Variants in MBD5 observed in about 807,000 individuals in gnomAD.
MBD5 encodes the protein methyl-CpG-binding domain protein 5.
In MBD5, 13 loss-of-function variants were observed where a neutral mutation model predicts 117.3. The ratio of observed to expected loss-of-function variants is 0.11; its 90% CI spans 0.07 to 0.18. The LOEUF (loss-of-function observed/expected upper bound fraction) is 0.18, where lower values mean the gene tolerates loss of function less well. Ranked by LOEUF, MBD5 falls within the 10% of genes least tolerant of loss-of-function variation. The probability of loss-of-function intolerance (pLI) is 1.00; values close to 1 mark genes in which losing one functional copy is unlikely to be tolerated. For missense variants in MBD5, 1,879 were observed against 2,093.8 expected (o/e 0.90, Z 2.00); for synonymous variants, 727 against 766.4 (o/e 0.95, Z 0.85).
intron 4 of MBD5, among the ~76,000 whole-genome samples, chr2:148,388,080 C>T (rs774040851): frequency 7.5e-4 from 114 of 152,176 alleles, no homozygotes; most frequent in Middle Eastern, 3.4e-3. Flanking sequence ...TGTTGTAAAG[C>T]TGTAAGATTT....
At chr2:148,375,241 C>G (rs1338183730) in intron 4 of MBD5, among the ~76,000 whole-genome samples, 3 of 152,162 alleles carry the variant, frequency 2.0e-5, no homozygotes, top group African/African-American at 7.2e-5. Flanking sequence ...CACTTTTCTA[C>G]CAGTCAGTAT....
intron 3 of MBD5, among the ~76,000 whole-genome samples, chr2:148,333,414 A>G (rs922651006): frequency 1.3e-5 from 2 of 152,194 alleles, no homozygotes; most frequent in Non-Finnish European, 2.9e-5. Flanking sequence ...ATCTTCTTCC[A>G]CTTTCCTACC....
At chr2:148,442,476 C>T (rs904146912) in intron 4 of MBD5, among the ~76,000 whole-genome samples, 1 of 150,024 alleles carries the variant, frequency 6.7e-6, no homozygotes, top group Non-Finnish European at 1.5e-5. Flanking sequence ...AGGAGACAGA[C>T]AATAATAAGA....
rs1308659843 is a variant in MBD5, at chr2:148,305,074, A to AAT, written c.-679-37139_-679-37138insTA. On this transcript the variant is annotated intron_variant, in intron 3 of 13. Transcript: ENST00000642680. ...AGCGAGACTCCGTCTCAAAAAAAAA[A>AAT]AAATAAAATAAAATAAAAGGCAGGC... Among the ~76,000 whole-genome samples, 106 of 152,040 alleles carry AAT rather than the reference A, an allele frequency of 7.0e-4. 1 individual carries two copies. The highest frequency in any genetic ancestry group is 2.4e-3 in the African/African-American group (98 of 41,424).
At chr2:148,247,781 G>A (rs1247867214) in intron 3 of MBD5, among the ~76,000 whole-genome samples, 1 of 151,672 alleles carries the variant, frequency 6.6e-6, no homozygotes, top group East Asian at 1.9e-4. Context: ...AAACCAGAAA[G>A]AAAAAGGATT....
chr2:148,509,198 G>C (rs1467404921), intron 12 of MBD5, among the ~76,000 whole-genome samples: 1 of 152,066 alleles, frequency 6.6e-6, no homozygotes, highest in Non-Finnish European at 1.5e-5. Context: ...AATCACCTTA[G>C]CACTTGGAAA....
At position 148,021,311 on chromosome 2, in the gene MBD5, T is replaced by TTTC. The variant is rs542373546; in HGVS notation, c.-1288_-1286dup. On this transcript the variant is annotated 5_prime_UTR_variant, in exon 1 of 14. Coordinates refer to ENST00000642680, the MANE Select transcript of MBD5 (RefSeq NM_001378120.1). ...ATTGAGCCTGAGAGAGGAGAAGGAG[T>TTTC]TTCTTCTTCTTCGAAAACCCCCATC... 1 of 359,986 alleles carries TTTC rather than the reference T, an allele frequency of 2.8e-6. No homozygotes were observed. The highest frequency in any genetic ancestry group is 5.5e-6 in the Non-Finnish European group (1 of 182,042). 22.3% of individuals were successfully genotyped at this position (359,986 alleles called of 1,614,324 possible). A position where few individuals can be genotyped will look rare whatever the true frequency, so the allele number is the denominator to read the frequency against.
chr2:148,158,183 G>T (rs541881650), intron 1 of MBD5, among the ~76,000 whole-genome samples: 4 of 152,206 alleles, frequency 2.6e-5, no homozygotes, highest in East Asian at 3.9e-4. Context: ...TCCATCATAT[G>T]CTAGAATACT....
At position 148,513,102 on chromosome 2, in the gene MBD5, T is replaced by C; in HGVS notation, c.*161T>C. The C allele has an allele frequency of 1.4e-6, 1 of 719,464 alleles. No individual in the cohort carries two copies. The highest frequency in any genetic ancestry group is 2.3e-6 in the Non-Finnish European group (1 of 425,646). 44.6% of individuals were successfully genotyped at this position (719,464 alleles called of 1,614,324 possible). A position where few individuals can be genotyped will look rare whatever the true frequency, so the allele number is the denominator to read the frequency against. On this transcript the variant is annotated 3_prime_UTR_variant, in exon 14 of 14. Transcript: ENST00000642680. ...AAAGAAACAGTGATACAAAATTTTT[T>C]TGATCAGGAAGGATAATGAATGCTG...
At chr2:148,051,232 G>A (rs557988619) in intron 1 of MBD5, among the ~76,000 whole-genome samples, 1 of 152,082 alleles carries the variant, frequency 6.6e-6, no homozygotes, top group African/African-American at 2.4e-5. Flanking sequence ...TTCATTGCTA[G>A]TTTTTAGAAA....
chr2:148,300,340 A>C (rs532825619), intron 3 of MBD5, among the ~76,000 whole-genome samples: 1 of 152,142 alleles, frequency 6.6e-6, no homozygotes, highest in Admixed American at 6.6e-5. Flanking sequence ...GACATGAGCC[A>C]TTGCGCCCGG....
In MBD5 at chr2:148,516,622, A is replaced by G. The variant is rs1409008989; in HGVS notation, c.*3681A>G. 6.6e-6 allele frequency: 1 copy of G among 152,246 alleles called. No homozygotes were observed. The highest frequency in any genetic ancestry group is 2.4e-5 in the African/African-American group (1 of 41,468). The allele number at this position is 152,246 out of a possible 1,614,324, so 9.4% of individuals were successfully genotyped here. ...TAAACAACCCAGAAGTGAATATTAA[A>G]TCAGTGAGCCAAAAAGCAATAAACA... On this transcript the variant is annotated 3_prime_UTR_variant, in exon 14 of 14. Coordinates refer to ENST00000642680, the MANE Select transcript of MBD5 (RefSeq NM_001378120.1).
At chr2:148,301,647 C>T (rs1427940567) in intron 3 of MBD5, among the ~76,000 whole-genome samples, 2 of 152,140 alleles carry the variant, frequency 1.3e-5, no homozygotes, top group Admixed American at 6.6e-5. Flanking sequence ...CGTCCCTTTT[C>T]CCCTGATTCT....
At position 148,458,769 on chromosome 2, in the gene MBD5, G is replaced by A. The variant is rs1706963078; in HGVS notation, c.11G>A (p.Gly4Asp). 1 of 1,613,290 alleles carries A rather than the reference G, an allele frequency of 6.2e-7. No homozygotes were observed. Among genetic ancestry groups the A allele is most frequent in the Non-Finnish European group, 8.5e-7 (1 of 1,179,398 alleles). MNG[G>D]KECDGGDKEG... ...TAGCAGACACAGAAAATGAATGGAG[G>A]CAAAGAGTGTGACGGAGGGGACAAG... The change falls in exon 5 of 14, where the codon GGC (glycine) becomes GAC (aspartate). Residue 4 changes from glycine to aspartate, a missense_variant. Gly to Asp is a moderately conservative substitution (Grantham distance 94). Coordinates refer to ENST00000642680, the MANE Select transcript of MBD5 (RefSeq NM_001378120.1).
At chr2:148,257,113 A>G (rs552701467) in intron 3 of MBD5, among the ~76,000 whole-genome samples, 58 of 152,270 alleles carry the variant, frequency 3.8e-4, no homozygotes, top group African/African-American at 1.3e-3. Context: ...GCTCCCTTCC[A>G]TAGTTGGGAC....
Position 148,021,219 on chromosome 2 carries a change from CA to C in MBD5, c.-1389del, listed in dbSNP as rs1693700507. ...TTCTACCCCACTTCAACCTTGAATT[CA>C]GGGGGGTGGGGGGAAGGCGGCTGAG... On this transcript the variant is annotated 5_prime_UTR_variant, in exon 1 of 14. Coordinates refer to ENST00000642680, the MANE Select transcript of MBD5 (RefSeq NM_001378120.1). 3.9e-6 allele frequency: 1 copy of C among 257,506 alleles called. No homozygotes were observed. The highest frequency in any genetic ancestry group is 4.3e-5 in the Admixed American group (1 of 23,146). The allele number at this position is 257,506 out of a possible 1,614,324, so 16.0% of individuals were successfully genotyped here. A position where few individuals can be genotyped will look rare whatever the true frequency, so the allele number is the denominator to read the frequency against.
intron 1 of MBD5, chr2:148,053,883 T>C (rs148924219): frequency 1.3e-5 from 2 of 151,538 alleles, no homozygotes; most frequent in Non-Finnish European, 2.9e-5. Context: ...TTTTTCTTTG[T>C]ATCATTTTAT....
At chr2:148,481,257 C>T (rs1348044768) in intron 8 of MBD5, among the ~76,000 whole-genome samples, 1 of 152,042 alleles carries the variant, frequency 6.6e-6, no homozygotes, top group African/African-American at 2.4e-5. Context: ...ACATACACTA[C>T]ACAGTTAAAA....
intron 11 of MBD5, among the ~76,000 whole-genome samples, chr2:148,493,291 T>C (rs1421029972): frequency 6.6e-6 from 1 of 152,228 alleles, no homozygotes; most frequent in Non-Finnish European, 1.5e-5. Context: ...ACTATTTCTA[T>C]GTCCACCAAA....
Sources: allele counts gnomAD v4.1 joint callset (sites outside exome capture counted in the v4.1 genomes callset), GRCh38; gene constraint gnomAD v4.1.1; transcripts MANE v1.5; gene names NCBI Gene and HGNC (gene_info 2026-07-23, HGNC 2026-07-21).